Variants in CRPPA observed in about 807,000 individuals in gnomAD.
The protein encoded by CRPPA is D-ribitol-5-phosphate cytidylyltransferase.
A neutral mutation model predicts 52.0 loss-of-function variants in CRPPA; 43 were observed. That is an observed-to-expected ratio of 0.83 (90% CI 0.65 to 1.07). The LOEUF (loss-of-function observed/expected upper bound fraction) is 1.07. CRPPA is among the 50% of genes least tolerant of loss of function. The pLI is 0.00. For synonymous variants in CRPPA, 250 were observed against 203.5 expected, an observed-to-expected ratio of 1.23 and a Z score of -1.94; for missense variants, 629 against 551.7, an observed-to-expected ratio of 1.14 and a Z score of -1.40.
intron 9 of CRPPA, among the ~76,000 whole-genome samples, chr7:16,100,382 G>T (rs565873595): frequency 5.9e-5 from 9 of 151,998 alleles, no homozygotes; most frequent in Non-Finnish European, 1.3e-4. Context: ...CAGCTAAATC[G>T]TAAGATACTA....
chr7:16,285,371 A>G (rs960090550), intron 5 of CRPPA, among the ~76,000 whole-genome samples: 3 of 152,174 alleles, frequency 2.0e-5, no homozygotes, highest in Middle Eastern at 3.2e-3. Flanking sequence ...GACTGATATT[A>G]GCCTCTGAGT....
intron 3 of CRPPA, among the ~76,000 whole-genome samples, chr7:16,354,079 GA>G (rs918977638): frequency 6.0e-5 from 9 of 150,782 alleles, no homozygotes; most frequent in African/African-American, 1.2e-4. Flanking sequence ...AAACCTGATA[GA>G]AAAAAAAATT....
chr7:16,232,769 A>C (rs866493933), intron 8 of CRPPA, among the ~76,000 whole-genome samples: 18 of 152,178 alleles, frequency 1.2e-4, no homozygotes, highest in African/African-American at 1.7e-4. Flanking sequence ...CATATTTATA[A>C]GAATACAAAA....
At chr7:16,397,975 T>C (rs1158034375) in intron 2 of CRPPA, among the ~76,000 whole-genome samples, 2 of 152,188 alleles carry the variant, frequency 1.3e-5, no homozygotes, top group African/African-American at 2.4e-5. Context: ...TTACATGCCA[T>C]TGACCTTACC....
At chr7:16,379,579 G>A (rs1263544879) in intron 2 of CRPPA, among the ~76,000 whole-genome samples, 2 of 152,168 alleles carry the variant, frequency 1.3e-5, no homozygotes, top group African/African-American at 4.8e-5. Context: ...ATTACCTTGG[G>A]CAGTACGGCC....
At chr7:16,240,566 T>TAC (rs1395617388) in intron 8 of CRPPA, among the ~76,000 whole-genome samples, 52 of 80,228 alleles carry the variant, frequency 6.5e-4, no homozygotes, top group African/African-American at 2.5e-3. Context: ...CATTGGTTAT[T>TAC]ACACATACAC....
At chr7:16,168,503 C>A (rs1781112289) in intron 9 of CRPPA, among the ~76,000 whole-genome samples, 1 of 147,580 alleles carries the variant, frequency 6.8e-6, no homozygotes, top group Non-Finnish European at 1.5e-5. Flanking sequence ...AAATTAGAAC[C>A]TAAAATGACA....
intron 2 of CRPPA, among the ~76,000 whole-genome samples, chr7:16,392,388 G>C (rs1787468302): frequency 6.6e-6 from 1 of 152,110 alleles, no homozygotes; most frequent in South Asian, 2.1e-4. Flanking sequence ...GCAAACAGTA[G>C]TCTTACATTC....
intron 2 of CRPPA, among the ~76,000 whole-genome samples, chr7:16,397,647 T>C (rs1787640040): frequency 6.6e-6 from 1 of 151,728 alleles, no homozygotes; most frequent in Admixed American, 6.6e-5. Flanking sequence ...ACGTGACACA[T>C]GACTGACATG....
chr7:16,201,316 C>T (rs975314642), intron 9 of CRPPA, among the ~76,000 whole-genome samples: 4 of 152,152 alleles, frequency 2.6e-5, no homozygotes, highest in Non-Finnish European at 4.4e-5. Context: ...CCTGGAAAAC[C>T]AAGCTACCAG....
chr7:16,412,098 C>T (rs970333969), intron 1 of CRPPA, among the ~76,000 whole-genome samples: 2 of 152,150 alleles, frequency 1.3e-5, no homozygotes. Context: ...TTCCATCAGA[C>T]AGAAAACAGC....
chr7:16,398,378 G>C (rs1411854613), intron 2 of CRPPA, among the ~76,000 whole-genome samples: 1 of 114,026 alleles, frequency 8.8e-6, no homozygotes, highest in East Asian at 2.8e-4. Flanking sequence ...ACCAGGGCAT[G>C]ATTGACATGT....
chr7:16,227,867 T>C (rs1234089631), intron 8 of CRPPA, among the ~76,000 whole-genome samples: 2 of 151,906 alleles, frequency 1.3e-5, no homozygotes, highest in African/African-American at 2.4e-5. Flanking sequence ...AGTAGTTTCA[T>C]AGATTCTAAT....
chr7:16,230,929 G>T (rs1267331831), intron 8 of CRPPA, among the ~76,000 whole-genome samples: 1 of 152,072 alleles, frequency 6.6e-6, no homozygotes, highest in Admixed American at 6.6e-5. Context: ...CAAGTCTGGT[G>T]GTGGTATAAG....
chr7:16,393,714 T>C (rs74627327), intron 2 of CRPPA, among the ~76,000 whole-genome samples: 3,895 of 152,226 alleles, frequency 0.026, 70 homozygotes, highest in East Asian at 0.13. Context: ...ACATTAGTGA[T>C]TTTAAGTATA....
At chr7:16,385,542 T>C (rs1272809272) in intron 2 of CRPPA, among the ~76,000 whole-genome samples, 1 of 152,112 alleles carries the variant, frequency 6.6e-6, no homozygotes, top group Non-Finnish European at 1.5e-5. Context: ...ATTTCACACA[T>C]GAAAGCAAAA....
chr7:16,370,021 A>G (rs1786707276), intron 3 of CRPPA, among the ~76,000 whole-genome samples: 1 of 152,204 alleles, frequency 6.6e-6, no homozygotes, highest in Non-Finnish European at 1.5e-5. Flanking sequence ...GGTGTGAAAT[A>G]TAAAAGTGGA....
At chr7:16,122,872 A>G (rs17359148) in intron 9 of CRPPA, among the ~76,000 whole-genome samples, 4,769 of 152,196 alleles carry the variant, frequency 0.031, 92 homozygotes, top group Non-Finnish European at 0.049. Context: ...ATTTACAATA[A>G]TTATTTTCAA....
intron 3 of CRPPA, among the ~76,000 whole-genome samples, chr7:16,344,740 C>G (rs573771194): frequency 1.3e-5 from 2 of 151,402 alleles, no homozygotes; most frequent in East Asian, 3.9e-4. Context: ...ACTAGATGGG[C>G]ACAACAGCAC....
Sources: gnomAD v4.1 joint callset for allele counts (sites outside exome capture counted in the v4.1 genomes callset) on GRCh38, gnomAD v4.1.1 for gene constraint, MANE v1.5 for transcripts, NCBI Gene and HGNC (gene_info 2026-07-23, HGNC 2026-07-21) for gene names.